The following NUDT4 variants were observed in gnomAD, a reference collection of about 807,000 sequenced individuals.
NUDT4 encodes diphosphoinositol polyphosphate phosphohydrolase 2.
A neutral mutation model predicts 23.1 loss-of-function variants in NUDT4; 5 were observed. The observed-to-expected ratio is 0.22, with a 90% CI of 0.11 to 0.46. NUDT4 has a LOEUF of 0.46. Among genes scored for constraint, NUDT4 ranks in the 20% least tolerant of loss-of-function variants. The pLI, the probability that NUDT4 is intolerant of heterozygous loss-of-function variation, is 0.99. For missense variants in NUDT4, 96 were observed against 211.6 expected (o/e 0.45, Z 3.39); for synonymous variants, 50 against 79.0 (o/e 0.63, Z 1.95).
At chr12:93,394,559 T>C (rs1876793810) in intron 1 of NUDT4, 50 bp from the exon 2 acceptor site, 2 of 1,003,046 alleles carry the variant, frequency 2.0e-6, no homozygotes, top group Non-Finnish European at 3.1e-6. Flanking sequence ...GTTGTTTATA[T>C]ACGAAGTGCT....
intron 1 of NUDT4, among the ~76,000 whole-genome samples, chr12:93,382,220 T>TGCCATTGCACTCCAGCCTGG (rs1875710696): frequency 6.8e-6 from 1 of 146,700 alleles, no homozygotes; most frequent in Non-Finnish European, 1.5e-5. Context: ...GCCGAGATCA[T>TGCCATTGCACTCCAGCCTGG]GCCATTGCAC....
chr12:93,391,301 A>T (rs1405910544), intron 1 of NUDT4, among the ~76,000 whole-genome samples: 1 of 151,768 alleles, frequency 6.6e-6, no homozygotes, highest in African/African-American at 2.4e-5. Context: ...ATGGTGGCTT[A>T]CTCCTGTAAT....
chr12:93,381,512 C>T (rs1258732317), intron 1 of NUDT4, among the ~76,000 whole-genome samples: 1 of 152,178 alleles, frequency 6.6e-6, no homozygotes, highest in Non-Finnish European at 1.5e-5. Context: ...TCCTAAGAAT[C>T]ATTCTGTAGG....
At chr12:93,384,346 T>G (rs776635021) in intron 1 of NUDT4, among the ~76,000 whole-genome samples, 1 of 152,084 alleles carries the variant, frequency 6.6e-6, no homozygotes, top group African/African-American at 2.4e-5. Context: ...TTTTTGTATT[T>G]TTAGTAGAGA....
At chr12:93,387,105 T>G (rs1876160435) in intron 1 of NUDT4, among the ~76,000 whole-genome samples, 2 of 152,096 alleles carry the variant, frequency 1.3e-5, no homozygotes, top group Non-Finnish European at 2.9e-5. Flanking sequence ...CTACTTTTTA[T>G]GTTTTTGGTA....
intron 3 of NUDT4, among the ~76,000 whole-genome samples, chr12:93,398,338 C>CAAAAAAAAA: frequency 1.3e-5 from 1 of 75,306 alleles, no homozygotes; most frequent in Non-Finnish European, 2.5e-5. Flanking sequence ...CTCCCTGTCT[C>CAAAAAAAAA]AAAAAAAAAA....
At chr12:93,385,935 A>T (rs1298147154) in intron 1 of NUDT4, among the ~76,000 whole-genome samples, 2 of 92,422 alleles carry the variant, frequency 2.2e-5, no homozygotes, top group African/African-American at 4.4e-5. Context: ...TATATAGTAA[A>T]TCTTTTTATA....
chr12:93,378,435 C>G lies in NUDT4; in HGVS notation c.99+14C>G. ...CAGGAGGACGAGGTAGGGCGCCCGG[C>G]GCCGCACGCTGCCCTCCGGGGCGCC... On this transcript the variant is annotated intron_variant, in intron 1 of 4. Coordinates refer to ENST00000415493, the MANE Select transcript of NUDT4 (RefSeq NM_019094.6). 6.5e-7 allele frequency: 1 copy of G among 1,541,150 alleles called. No individual in the cohort carries two copies.
chr12:93,395,634 C>G, intron 3 of NUDT4, 101 bp downstream of exon 3: 1 of 918,752 alleles, frequency 1.1e-6, no homozygotes, highest in Non-Finnish European at 1.8e-6. Flanking sequence ...ACATTTCTCT[C>G]AGACTAGCAG....
intron 1 of NUDT4, among the ~76,000 whole-genome samples, chr12:93,385,482 A>T (rs1226288846): frequency 6.6e-6 from 1 of 152,218 alleles, no homozygotes; most frequent in Non-Finnish European, 1.5e-5. Flanking sequence ...CTTGATGGAT[A>T]CAGAAAATCT....
chr12:93,387,561 T>C (rs1876196764), intron 1 of NUDT4, among the ~76,000 whole-genome samples: 1 of 152,196 alleles, frequency 6.6e-6, no homozygotes, highest in Non-Finnish European at 1.5e-5. Context: ...TAGGAAACAC[T>C]GAGTTATGTT....
At chr12:93,392,841 G>C (rs987843866) in intron 1 of NUDT4, among the ~76,000 whole-genome samples, 48 of 129,484 alleles carry the variant, frequency 3.7e-4, no homozygotes, top group Non-Finnish European at 5.4e-4. Context: ...ACCACACCTG[G>C]CTAATTTTTG....
At position 93,407,072 on chromosome 12, in the gene NUDT4, T is replaced by G. The variant is rs1877861675; in HGVS notation, c.*7693T>G. 6.6e-6 allele frequency: 1 copy of G among 152,244 alleles called. No homozygotes were observed. The highest frequency in any genetic ancestry group is 2.4e-5 in the African/African-American group (1 of 41,440). The allele number at this position is 152,244 out of a possible 1,614,324, so 9.4% of individuals were successfully genotyped here. On this transcript the variant is annotated 3_prime_UTR_variant, in exon 5 of 5. Coordinates refer to ENST00000415493, the MANE Select transcript of NUDT4 (RefSeq NM_019094.6). ...TATGTTAGCCAGGCTGGTCACAAAC[T>G]CCTGGACTCAAGTGATCCTCCTGCC...
At position 93,392,692 on chromosome 12, in the gene NUDT4, G is replaced by C. The variant is rs1455425341; in HGVS notation, c.100-1917G>C. ...TTTTTTTTTTTTTTTTTTCCCCCGA[G>C]ATGGAGTCTTGCTCTGTTGCCCAGG... On this transcript the variant is annotated intron_variant, in intron 1 of 4. Transcript: ENST00000415493. Among the ~76,000 whole-genome samples, 166 of 100,164 alleles carry C rather than the reference G, an allele frequency of 1.7e-3. 1 individual carries two copies. Among genetic ancestry groups the C allele is most frequent in the African/African-American group, 6.4e-3 (156 of 24,272 alleles). 65.7% of individuals were successfully genotyped at this position (100,164 alleles called of 152,430 possible). A position where few individuals can be genotyped will look rare whatever the true frequency, so the allele number is the denominator to read the frequency against.
At chr12:93,398,354 AAAAAAGAAAAG>A (rs1288663226) in intron 3 of NUDT4, among the ~76,000 whole-genome samples, 2 of 150,720 alleles carry the variant, frequency 1.3e-5, no homozygotes, top group African/African-American at 4.9e-5. Flanking sequence ...AAAAAAAAAA[AAAAAAGAAAAG>A]AACATCAGAT....
At position 93,401,002 on chromosome 12, in the gene NUDT4, C is replaced by T. The variant is rs1877370441; in HGVS notation, c.*1623C>T. ...AAGTATAGTTAAAACATTTGTTCTACAAATTAACCTTTAAAAATATAATTA... is the reference window on the plus strand; with the variant it reads ...AAGTATAGTTAAAACATTTGTTCTATAAATTAACCTTTAAAAATATAATTA... On this transcript the variant is annotated 3_prime_UTR_variant, in exon 5 of 5. Transcript: ENST00000415493. 6.6e-6 allele frequency: 1 copy of T among 152,138 alleles called. No individual in the cohort carries two copies. The highest frequency in any genetic ancestry group is 6.5e-5 in the Admixed American group (1 of 15,276). The allele number at this position is 152,138 out of a possible 1,614,324, so 9.4% of individuals were successfully genotyped here.
chr12:93,395,896 T>C (rs1005886108), intron 3 of NUDT4, among the ~76,000 whole-genome samples: 5 of 152,172 alleles, frequency 3.3e-5, no homozygotes, highest in African/African-American at 1.2e-4. Context: ...AAGTTTTGTA[T>C]TTTTAATAGA....
rs531802830 is a variant in NUDT4, at chr12:93,392,868, G to A, written c.100-1741G>A. ...TAATTTTTGTATTTTTAGTAAAGAC[G>A]GGGTTTCACCATGTTTTGTCCAGGC... On this transcript the variant is annotated intron_variant, in intron 1 of 4. Transcript: ENST00000415493. Among the ~76,000 whole-genome samples the A allele has an allele frequency of 5.0e-3, 652 of 131,644 alleles. 14 individuals are homozygous for A. The highest frequency in any genetic ancestry group is 0.017 in the African/African-American group (624 of 36,314). 86.4% of individuals were successfully genotyped at this position (131,644 alleles called of 152,430 possible).
intron 3 of NUDT4, among the ~76,000 whole-genome samples, chr12:93,396,789 T>G (rs752769686): frequency 2.0e-5 from 3 of 152,184 alleles, no homozygotes; most frequent in South Asian, 2.1e-4. Flanking sequence ...GACGCACGCC[T>G]GTAGTCCCAG....
Sources: gnomAD v4.1 joint callset for allele counts (sites outside exome capture counted in the v4.1 genomes callset) on GRCh38, gnomAD v4.1.1 for gene constraint, MANE v1.5 for transcripts, NCBI Gene and HGNC (gene_info 2026-07-23, HGNC 2026-07-21) for gene names.